MIB2: variants seen among roughly 807,000 people sequenced by gnomAD.
The protein encoded by MIB2 is E3 ubiquitin-protein ligase MIB2.
A neutral mutation model predicts 96.6 loss-of-function variants in MIB2; 78 were observed. The ratio of observed to expected loss-of-function variants is 0.81; its 90% CI spans 0.67 to 0.97. The LOEUF (loss-of-function observed/expected upper bound fraction) is 0.97, where lower values mean the gene tolerates loss of function less well. Ranked by LOEUF, MIB2 falls within the 50% of genes least tolerant of loss-of-function variation. The pLI, the probability that MIB2 is intolerant of heterozygous loss-of-function variation, is 0.00. For synonymous variants in MIB2, 820 were observed against 629.5 expected (o/e 1.30, Z -4.53); for missense variants, 1,543 against 1,424.0 (o/e 1.08, Z -1.35).
intron 19 of MIB2, among the ~76,000 whole-genome samples, chr1:1,630,065 C>T (rs1326307312): frequency 6.8e-6 from 1 of 147,822 alleles, no homozygotes; most frequent in African/African-American, 2.5e-5. Flanking sequence ...CCACCTGCAG[C>T]CCTGACTCCA....
rs374320129 is a variant in MIB2 at position 1,626,797 on chromosome 1, C to A, written c.1078-40C>A. ...CCCCGCCGCTAGCGCCGCTGCCCCC[C>A]ACACCTGCAGCCTGCTGTGACCCCC... On this transcript the variant is annotated intron_variant, in intron 9 of 19. Coordinates refer to ENST00000355826, the MANE Select transcript of MIB2 (RefSeq NM_001170687.4). The surrounding 1 kb of genome is among the most constrained non-coding windows in gnomAD (Gnocchi z 5.3). The A allele has an allele frequency of 4.4e-6, 7 of 1,593,270 alleles. No homozygotes were observed. The highest frequency in any genetic ancestry group is 3.3e-5 in the South Asian group (3 of 89,934).
At position 1,625,007 on chromosome 1, in the gene MIB2, G is replaced by A. The variant is rs755748122; in HGVS notation, c.543G>A (p.Pro181=). The A allele has an allele frequency of 3.5e-5, 56 of 1,612,154 alleles. No homozygotes were observed. The highest frequency in any genetic ancestry group is 3.3e-4 in the African/African-American group (25 of 74,918). Residue 181 remains proline, a synonymous_variant, in exon 6 of 20, where the codon CCG becomes CCA. Coordinates refer to ENST00000355826, the MANE Select transcript of MIB2 (RefSeq NM_001170687.4). The surrounding 1 kb of genome is among the most constrained non-coding windows in gnomAD (Gnocchi z 5.0). ...TTTCCCCAGGAGGGGAAGGGAAACC[G>A]GGCCGTGTGGTGGACATCCGTGGCT... is the stretch of plus-strand genomic sequence containing the variant. The part of the protein sequence containing the change: ...WGSQDGGEGK[P]GRVVDIRGWD...
chr1:1,624,244 C>T, intron 4 of MIB2: 1 of 485,718 alleles, frequency 2.1e-6, no homozygotes, highest in Non-Finnish European at 3.7e-6. Flanking sequence ...CTGCTGCGCT[C>T]TGGTCCGAGG....
intron 4 of MIB2, chr1:1,624,306 G>A: frequency 2.7e-6 from 1 of 363,648 alleles, no homozygotes; most frequent in African/African-American, 2.7e-5. Flanking sequence ...AGCCAGAGGT[G>A]CCACCCCGTC....
chr1:1,624,186 C>A, intron 4 of MIB2: 1 of 563,794 alleles, frequency 1.8e-6, no homozygotes, highest in Middle Eastern at 4.8e-4. Flanking sequence ...ATGAGACCTC[C>A]AGGAGGACAG....
chr1:1,625,848 C>T lies in MIB2; in HGVS notation c.972+195C>T. The T allele has an allele frequency of 1.7e-6, 1 of 593,818 alleles. No homozygotes were observed. 36.8% of individuals were successfully genotyped at this position (593,818 alleles called of 1,614,324 possible). A position where few individuals can be genotyped will look rare whatever the true frequency, so the allele number is the denominator to read the frequency against. On this transcript the variant is annotated intron_variant, in intron 8 of 19. Coordinates refer to ENST00000355826, the MANE Select transcript of MIB2 (RefSeq NM_001170687.4). The surrounding 1 kb of genome is among the most constrained non-coding windows in gnomAD (Gnocchi z 5.0). ...AAGAGGGGGTTGGGTGTGAAGGAAC[C>T]CAGAGGAGGGTATGTCTCTGGGAGC...
Position 1,625,679 on chromosome 1 carries a change from C to T in MIB2, c.972+26C>T. 2.0e-6 allele frequency: 3 copies of T among 1,533,812 alleles called. No individual in the cohort carries two copies. Among genetic ancestry groups the T allele is most frequent in the East Asian group, 4.9e-5 (2 of 40,750 alleles). On this transcript the variant is annotated intron_variant, in intron 8 of 19. Transcript: ENST00000355826. This position sits in a 1 kb window ranked among gnomAD's most constrained non-coding sequence, Gnocchi z 5.0. The stretch of plus-strand genomic sequence containing the variant: ...GTGCCGGGGGGGCTGGGCTGCGCCT[C>T]ATCTGCTTGCTTCTGTAACCCCTTC...
At position 1,628,623 on chromosome 1, in the gene MIB2, G is replaced by A; in HGVS notation, c.2103G>A (p.Gly701=). 2 of 1,598,646 alleles carry A rather than the reference G, an allele frequency of 1.3e-6. No homozygotes were observed. The highest frequency in any genetic ancestry group is 1.1e-5 in the South Asian group (1 of 89,848). The part of the protein sequence containing the change: ...GCSVNAEDEE[G]DTALHVALQR... Reference sequence around the variant, plus strand: ...GTGTCAACGCCGAGGACGAGGAGGGGGACACAGCCCTGCACGTGGCGCTGC... The same window carrying A: ...GTGTCAACGCCGAGGACGAGGAGGGAGACACAGCCCTGCACGTGGCGCTGC... Residue 701 remains glycine, a synonymous_variant, in exon 16 of 20, where the codon GGG becomes GGA. Coordinates refer to ENST00000355826, the MANE Select transcript of MIB2 (RefSeq NM_001170687.4).
intron 2 of MIB2, among the ~76,000 whole-genome samples, chr1:1,621,865 T>A (rs988966525): frequency 2.6e-5 from 4 of 152,012 alleles, no homozygotes; most frequent in Non-Finnish European, 5.9e-5. Flanking sequence ...GTCTCCGGAG[T>A]GGGGCTGGGC....
rs1166028642 is a variant in MIB2 at position 1,628,119 on chromosome 1, C to T, written c.1781C>T (p.Thr594Ile). Residue 594 changes from threonine (T) to isoleucine (I), a missense_variant, in exon 14 of 20, where the codon ACC becomes ATC. Thr to Ile is a moderately conservative substitution (Grantham distance 89). Transcript: ENST00000355826. ...VLTEVPNIDV[T>I]ATNSQGFTLL... The stretch of plus-strand genomic sequence containing the variant: ...ACGGAGGTGCCAAACATCGATGTTA[C>T]CGCCACCAACAGCCAGGGTTTCACC... 1 of 1,613,278 alleles carries T rather than the reference C, an allele frequency of 6.2e-7. No individual in the cohort carries two copies. The highest frequency in any genetic ancestry group is 8.5e-7 in the Non-Finnish European group (1 of 1,180,008).
At position 1,630,499 on chromosome 1, in the gene MIB2, C is replaced by G. The variant is rs779627779; in HGVS notation, c.2837C>G (p.Pro946Arg). Residue 946 changes from proline (P) to arginine (R), a missense_variant, in exon 20 of 20, where the codon CCC (proline) becomes CGC (arginine). By Grantham distance (103) the Pro-to-Arg change is moderately radical. Coordinates refer to ENST00000355826, the MANE Select transcript of MIB2 (RefSeq NM_001170687.4). ...AGCGCCTGCCCCATCTGCCGCCAGC[C>G]CATCCGCGACCGCATCCAGATCTTC... ...ALSACPICRQ[P>R]IRDRIQIFV The G allele has an allele frequency of 2.8e-5, 45 of 1,592,180 alleles. No homozygotes were observed. Among genetic ancestry groups the G allele is most frequent in the Non-Finnish European group, 1.1e-5 (13 of 1,175,042 alleles).
chr1:1,620,547 C>T lies in MIB2; in HGVS notation c.-22-2884C>T, dbSNP rs977016868. Among the ~76,000 whole-genome samples the T allele has an allele frequency of 4.0e-5, 6 of 149,750 alleles. No homozygotes were observed. The East Asian group carries it at 1.2e-3, about 30-fold the overall frequency. On this transcript the variant is annotated intron_variant, in intron 2 of 19. Coordinates refer to ENST00000355826, the MANE Select transcript of MIB2 (RefSeq NM_001170687.4). ...TGCGTGTGGATCTGGTGGAGGTGGA[C>T]GGCCTGGCAGGGGGTGGGGTCTGCA...
chr1:1,623,943 C>T lies in MIB2; in HGVS notation c.417C>T (p.Arg139=). Residue 139 remains arginine, a splice_region_variant and synonymous_variant, in exon 4 of 20, where the codon CGC becomes CGT. Coordinates refer to ENST00000355826, the MANE Select transcript of MIB2 (RefSeq NM_001170687.4). The part of the protein sequence containing the change: ...AFDRYETAHS[R]PVTLSPRQGL... ...ACCGCTACGAGACCGCTCACTCGCG[C>T]CCGTGAGTCCCGGGCCGCACCGGCT... 1.9e-6 allele frequency: 3 copies of T among 1,604,350 alleles called. 1 individual carries two copies. The South Asian group carries it at 3.3e-5, about 18-fold the overall frequency.
chr1:1,618,829 G>C (rs779414800), intron 2 of MIB2: 3 of 152,490 alleles, frequency 2.0e-5, no homozygotes, highest in African/African-American at 4.8e-5. Context: ...TTTGAGAAGA[G>C]ACCAAGGGAT....
chr1:1,627,352 G>C lies in MIB2; in HGVS notation c.1431G>C (p.Gln477His), dbSNP rs1239727397. The C allele has an allele frequency of 1.1e-5, 17 of 1,613,038 alleles. No individual in the cohort carries two copies. Among genetic ancestry groups the C allele is most frequent in the Non-Finnish European group, 1.4e-5 (16 of 1,179,978 alleles). Residue 477 changes from glutamine (Q) to histidine (H), a missense_variant, in exon 12 of 20, where the codon CAG becomes CAC. Coordinates refer to ENST00000355826, the MANE Select transcript of MIB2 (RefSeq NM_001170687.4). Reference protein sequence around the residue: ...TALQVAAYLGQVELIRLLLQA... With the variant: ...TALQVAAYLGHVELIRLLLQA... Reference sequence around the variant, plus strand: ...TGCAAGTGGCTGCCTACCTGGGCCAGGTGGAGTTGATACGGCTGCTGCTAC... The same window carrying C: ...TGCAAGTGGCTGCCTACCTGGGCCACGTGGAGTTGATACGGCTGCTGCTAC...
chr1:1,629,457 C>G lies in MIB2; in HGVS notation c.2454C>G (p.Asn818Lys), dbSNP rs774506518. The G allele has an allele frequency of 3.4e-4, 524 of 1,530,474 alleles. 1 individual carries two copies. Among genetic ancestry groups the G allele is most frequent in the Non-Finnish European group, 4.5e-4 (511 of 1,144,658 alleles). The allele number at this position is 1,530,474 out of a possible 1,614,324, so 94.8% of individuals were successfully genotyped here. A position where few individuals can be genotyped will look rare whatever the true frequency, so the allele number is the denominator to read the frequency against. Residue 818 changes from asparagine (N) to lysine (K), a missense_variant, in exon 18 of 20, where the codon AAC becomes AAG. Transcript: ENST00000355826. ...TCGGGACCCCCAACACCGTGACGAA[C>G]CTGCACGTGGGCGCCGCGCCGGGGC... ...QTLGTPNTVT[N>K]LHVGAAPGPE...
chr1:1,627,387 C>T lies in MIB2; in HGVS notation c.1466C>T (p.Ala489Val), dbSNP rs376634991. 3.0e-5 allele frequency: 49 copies of T among 1,612,878 alleles called. No individual in the cohort carries two copies. Among genetic ancestry groups the T allele is most frequent in the East Asian group, 2.9e-4 (13 of 44,884 alleles). Residue 489 changes from alanine (A) to valine (V), a missense_variant, in exon 12 of 20, where the codon GCG (alanine) becomes GTG (valine). Physicochemically the swap from Ala to Val is moderately conservative, Grantham distance 64 (BLOSUM62 0). Coordinates refer to ENST00000355826, the MANE Select transcript of MIB2 (RefSeq NM_001170687.4). ...ELIRLLLQAR[A>V]GVDLPDDEGN... ...ATACGGCTGCTGCTACAAGCCAGGG[C>T]GGGCGTGGACCTGCCGGACGACGAG... is the stretch of plus-strand genomic sequence containing the variant.
At chr1:1,620,822 G>T (rs576693451) in intron 2 of MIB2, among the ~76,000 whole-genome samples, 2 of 152,380 alleles carry the variant, frequency 1.3e-5, no homozygotes, top group East Asian at 3.9e-4. Context: ...GCAGTGGGGA[G>T]CTGCTGGGGC....
chr1:1,628,779 C>G, intron 16 of MIB2, 57 bp downstream of exon 16: 2 of 1,364,848 alleles, frequency 1.5e-6, no homozygotes, highest in Non-Finnish European at 2.0e-6. Flanking sequence ...GCAGCAGGCT[C>G]TGGGCAGGGC....
Sources: allele counts gnomAD v4.1 joint callset (sites outside exome capture counted in the v4.1 genomes callset), GRCh38; gene constraint gnomAD v4.1.1; non-coding constraint Gnocchi (gnomAD v3.1); transcripts MANE v1.5; gene names NCBI Gene and HGNC (gene_info 2026-07-23, HGNC 2026-07-21).